Variants in SHISAL1 observed in about 807,000 individuals in gnomAD.
SHISAL1 encodes protein shisa-like-1.
Under a neutral mutation model 22.6 loss-of-function variants are expected in SHISAL1, and 9 were observed. The observed-to-expected ratio is 0.40, with a 90% CI of 0.24 to 0.70. SHISAL1 has a LOEUF of 0.70. Among genes scored for constraint, SHISAL1 ranks in the 30% least tolerant of loss-of-function variants. The pLI, the probability that SHISAL1 is intolerant of heterozygous loss-of-function variation, is 0.39. For missense variants in SHISAL1, 246 were observed against 270.6 expected, an observed-to-expected ratio of 0.91 and a Z score of 0.64; for synonymous variants, 119 against 115.4, an observed-to-expected ratio of 1.03 and a Z score of -0.20.
At chr22:44,277,169 G>C (rs1016021772) in intron 4 of SHISAL1, among the ~76,000 whole-genome samples, 1 of 152,198 alleles carries the variant, frequency 6.6e-6, no homozygotes, top group African/African-American at 2.4e-5. Flanking sequence ...GCACTGTCTT[G>C]GACAGAGCCG....
intron 4 of SHISAL1, among the ~76,000 whole-genome samples, chr22:44,274,692 C>CA (rs1412816743): frequency 6.6e-6 from 1 of 152,120 alleles, no homozygotes; most frequent in Non-Finnish European, 1.5e-5. Flanking sequence ...AATAGGAGAA[C>CA]AAAATCAGAA....
the SHISAL1 span, among the ~76,000 whole-genome samples, chr22:44,321,501 C>T: frequency 6.0e-4 from 91 of 151,002 alleles, no homozygotes; most frequent in African/African-American, 2.2e-3. Context: ...GCTCCCCATC[C>T]TCTGTCATCA....
intron 4 of SHISAL1, among the ~76,000 whole-genome samples, chr22:44,261,732 G>A (rs75902972): frequency 0.077 from 11,707 of 152,316 alleles, 656 homozygotes; most frequent in East Asian, 0.29. Context: ...CGGCAAACAC[G>A]CCTTGGTCAC....
At chr22:44,250,777 C>G (rs537004211) in intron 4 of SHISAL1, among the ~76,000 whole-genome samples, 3 of 152,222 alleles carry the variant, frequency 2.0e-5, no homozygotes, top group Non-Finnish European at 4.4e-5. Flanking sequence ...CCCTGAACTA[C>G]CCCCTTCATA....
intron 4 of SHISAL1, among the ~76,000 whole-genome samples, chr22:44,250,377 G>A (rs549856348): frequency 2.0e-5 from 3 of 152,314 alleles, no homozygotes; most frequent in Non-Finnish European, 2.9e-5. Flanking sequence ...CTGGAATAGG[G>A]AAAAGCCAGG....
intron 3 of SHISAL1, among the ~76,000 whole-genome samples, chr22:44,286,932 T>C (rs2055320016): frequency 1.3e-5 from 2 of 152,352 alleles, no homozygotes; most frequent in East Asian, 1.9e-4. Context: ...TGTGCGCTTC[T>C]GGTGTCGAGG....
intron 3 of SHISAL1, among the ~76,000 whole-genome samples, chr22:44,287,163 C>G (rs1320894945): frequency 6.6e-6 from 1 of 152,252 alleles, no homozygotes; most frequent in Non-Finnish European, 1.5e-5. Flanking sequence ...CCTTGCCTGT[C>G]TCTGGGCCTG....
chr22:44,329,985 C>T, the SHISAL1 span, among the ~76,000 whole-genome samples: 1 of 152,220 alleles, frequency 6.6e-6, no homozygotes, highest in African/African-American at 2.4e-5. Flanking sequence ...GGAGGGACTT[C>T]TCATCAGTCT....
chr22:44,309,619 C>G (rs1007616065), intron 1 of SHISAL1, among the ~76,000 whole-genome samples: 1 of 152,192 alleles, frequency 6.6e-6, no homozygotes, highest in Non-Finnish European at 1.5e-5. Flanking sequence ...TGTGCCCTGT[C>G]TCCACGACTC....
rs1489075649 is a variant in SHISAL1, at chr22:44,310,394, C to T, written c.-33+2357G>A. Reference sequence around the variant, plus strand: ...GGTTTGCAATCTGAACCCAGGTTTGCTCGACTCCAGACAGGGTGCTGGGGG... The same window carrying T: ...GGTTTGCAATCTGAACCCAGGTTTGTTCGACTCCAGACAGGGTGCTGGGGG... On this transcript the variant is annotated intron_variant, in intron 1 of 4. Transcript: ENST00000381176. The surrounding 1 kb of genome is among the most constrained non-coding windows in gnomAD (Gnocchi z 4.0). 2.6e-5 allele frequency among the ~76,000 whole-genome samples: 4 copies of T among 152,216 alleles called. No homozygotes were observed. Among genetic ancestry groups the T allele is most frequent in the African/African-American group, 9.6e-5 (4 of 41,470 alleles).
intron 4 of SHISAL1, among the ~76,000 whole-genome samples, chr22:44,259,649 G>A (rs1398828221): frequency 6.6e-6 from 1 of 152,004 alleles, no homozygotes; most frequent in Non-Finnish European, 1.5e-5. Context: ...CACATGCCAA[G>A]GGGAGCTGAG....
chr22:44,260,922 G>C (rs1468838974), intron 4 of SHISAL1, among the ~76,000 whole-genome samples: 3 of 151,914 alleles, frequency 2.0e-5, no homozygotes, highest in African/African-American at 7.3e-5. Context: ...CACTCCCTGG[G>C]GATACATCTC....
At chr22:44,282,728 T>C (rs1186936377) in intron 4 of SHISAL1, among the ~76,000 whole-genome samples, 1 of 152,194 alleles carries the variant, frequency 6.6e-6, no homozygotes, top group Non-Finnish European at 1.5e-5. Context: ...AGGAGGCTCC[T>C]GAGAGGGCTG....
chr22:44,275,350 T>C (rs372470372), intron 4 of SHISAL1, among the ~76,000 whole-genome samples: 3 of 152,124 alleles, frequency 2.0e-5, no homozygotes, highest in African/African-American at 7.2e-5. Context: ...CACCATCACC[T>C]CAATTAAACC....
At chr22:44,267,925 C>T (rs947082852) in intron 4 of SHISAL1, among the ~76,000 whole-genome samples, 1 of 152,254 alleles carries the variant, frequency 6.6e-6, no homozygotes, top group Admixed American at 6.5e-5. Context: ...CTGTCCTTAT[C>T]CTGCAGGCCC....
At chr22:44,301,801 A>G (rs1251231169) in intron 1 of SHISAL1, among the ~76,000 whole-genome samples, 1 of 152,234 alleles carries the variant, frequency 6.6e-6, no homozygotes, top group Non-Finnish European at 1.5e-5. Context: ...GGCAAGGCAC[A>G]AAAGAACACA....
At chr22:44,266,574 GTGTA>G (rs779167456) in intron 4 of SHISAL1, among the ~76,000 whole-genome samples, 2 of 147,888 alleles carry the variant, frequency 1.4e-5, no homozygotes, top group African/African-American at 5.2e-5. Flanking sequence ...GGGCTCTGGT[GTGTA>G]TGTGTGTGTT....
intron 4 of SHISAL1, among the ~76,000 whole-genome samples, chr22:44,267,260 T>C (rs1313439821): frequency 6.6e-6 from 1 of 152,030 alleles, no homozygotes; most frequent in Non-Finnish European, 1.5e-5. Context: ...CCCAGGCCCA[T>C]TGCAGTGGTC....
At chr22:44,251,454 TTTTTTAA>T (rs2055047033) in intron 4 of SHISAL1, among the ~76,000 whole-genome samples, 1 of 152,176 alleles carries the variant, frequency 6.6e-6, no homozygotes, top group Admixed American at 6.5e-5. Context: ...GGGCAGATGA[TTTTTTAA>T]AAGTTCTGTG....
Sources: allele counts gnomAD v4.1 joint callset (sites outside exome capture counted in the v4.1 genomes callset), GRCh38; gene constraint gnomAD v4.1.1; non-coding constraint Gnocchi (gnomAD v3.1); transcripts MANE v1.5; gene names NCBI Gene and HGNC (gene_info 2026-07-23, HGNC 2026-07-21).